Variants in SLC14A2 observed in about 807,000 individuals in gnomAD.
SLC14A2 encodes urea transporter 2.
A neutral mutation model predicts 104.6 loss-of-function variants in SLC14A2; 91 were observed. The ratio of observed to expected loss-of-function variants is 0.87; its 90% CI spans 0.73 to 1.04. SLC14A2 has a LOEUF of 1.04. SLC14A2 is among the 50% of genes least tolerant of loss of function. The probability of loss-of-function intolerance (pLI) is 0.00; values close to 1 mark genes in which losing one functional copy is unlikely to be tolerated. For synonymous variants in SLC14A2, 476 were observed against 466.4 expected (o/e 1.02, Z -0.27); for missense variants, 1,189 against 1,156.0 (o/e 1.03, Z -0.41).
chr18:45,542,415 GA>G (rs1390610079), intron 2 of SLC14A2: 1 of 152,076 alleles, frequency 6.6e-6, no homozygotes, highest in Non-Finnish European at 1.5e-5. Context: ...AAAAAATGGA[GA>G]AATGAAGAAG....
At chr18:45,364,759 CA>C (rs1487044691) in intron 1 of SLC14A2, among the ~76,000 whole-genome samples, 1 of 152,134 alleles carries the variant, frequency 6.6e-6, no homozygotes, top group Non-Finnish European at 1.5e-5. Context: ...ATGTTTTACT[CA>C]TTTTTATTAT....
intron 1 of SLC14A2, among the ~76,000 whole-genome samples, chr18:45,467,687 A>G (rs1045975800): frequency 1.3e-5 from 2 of 152,262 alleles, no homozygotes; most frequent in African/African-American, 4.8e-5. Context: ...ATGGACAGTT[A>G]TGCTAAAGGG....
chr18:45,231,017 C>G (rs10460070), intron 1 of SLC14A2, among the ~76,000 whole-genome samples: 22,623 of 151,980 alleles, frequency 0.15, 2,232 homozygotes, highest in African/African-American at 0.29. Flanking sequence ...GCGCCAAAGG[C>G]TAGGGTGTTT....
At chr18:45,572,269 C>T (rs2044358666) in intron 2 of SLC14A2, among the ~76,000 whole-genome samples, 1 of 152,166 alleles carries the variant, frequency 6.6e-6, no homozygotes, top group Non-Finnish European at 1.5e-5. Flanking sequence ...CGTCTTCTTT[C>T]CTAAAAGCAT....
intron 1 of SLC14A2, among the ~76,000 whole-genome samples, chr18:45,411,930 C>T (rs2086219612): frequency 6.6e-6 from 1 of 152,072 alleles, no homozygotes; most frequent in South Asian, 2.1e-4. Context: ...GGAAGCTTTC[C>T]CTGGAGACAC....
chr18:45,603,770 T>C (rs932509188), intron 2 of SLC14A2, among the ~76,000 whole-genome samples: 1 of 152,144 alleles, frequency 6.6e-6, no homozygotes. Flanking sequence ...ATGTGCTAAT[T>C]CTTACCAGGG....
At chr18:45,600,910 G>A (rs949056355) in intron 2 of SLC14A2, among the ~76,000 whole-genome samples, 1 of 152,222 alleles carries the variant, frequency 6.6e-6, no homozygotes, top group African/African-American at 2.4e-5. Context: ...CTTGTTGCAG[G>A]TCCATGAAGC....
At chr18:45,365,530 C>T (rs6507611) in intron 1 of SLC14A2, among the ~76,000 whole-genome samples, 4,612 of 152,314 alleles carry the variant, frequency 0.03, 237 homozygotes, top group African/African-American at 0.1. Flanking sequence ...AAAGAAAATT[C>T]ATAACCCATT....
chr18:45,264,088 G>A (rs2084567279), intron 1 of SLC14A2, among the ~76,000 whole-genome samples: 1 of 152,044 alleles, frequency 6.6e-6, no homozygotes, highest in African/African-American at 2.4e-5. Flanking sequence ...TAGAATCAAA[G>A]GTGTCATTAT....
intron 1 of SLC14A2, among the ~76,000 whole-genome samples, chr18:45,286,784 G>T (rs923528821): frequency 6.6e-6 from 1 of 152,022 alleles, no homozygotes; most frequent in Non-Finnish European, 1.5e-5. Flanking sequence ...ACCCCTAAAT[G>T]CTCATAGATG....
At chr18:45,516,348 G>T (rs1195970063) in intron 2 of SLC14A2, among the ~76,000 whole-genome samples, 1 of 152,164 alleles carries the variant, frequency 6.6e-6, no homozygotes, top group East Asian at 1.9e-4. Flanking sequence ...TGAAGACCTT[G>T]GTCCCCCTCC....
chr18:45,243,827 T>C lies in SLC14A2; in HGVS notation c.-125+30636T>C, dbSNP rs1000079771. Among the ~76,000 whole-genome samples the C allele has an allele frequency of 9.9e-5, 15 of 152,268 alleles. No individual in the cohort carries two copies. In the East Asian group the frequency reaches 1.7e-3, roughly 18 times the overall value. On this transcript the variant is annotated intron_variant, in intron 1 of 20. Transcript: ENST00000586448. ...ATATACGTTCATTAATTGTCAGAAT[T>C]CCCCTGTTCTGTTACTGTGCTCACC... is the stretch of plus-strand genomic sequence containing the variant.
At chr18:45,669,998 C>T (rs2046102397) in intron 16 of SLC14A2, among the ~76,000 whole-genome samples, 1 of 152,198 alleles carries the variant, frequency 6.6e-6, no homozygotes. Context: ...CCTGGTGGCA[C>T]ATGCCTATAG....
rs1393268381 is a variant in SLC14A2, at chr18:45,452,264, T to C, written c.-124-30969T>C. ...TAAACAGGACAGTGCCTATAAAATA[T>C]GAAACCCAGCACTTGGGGTACTAAC... On this transcript the variant is annotated intron_variant, in intron 1 of 20. Transcript: ENST00000586448. Among the ~76,000 whole-genome samples the C allele has an allele frequency of 5.9e-5, 9 of 152,188 alleles. No individual in the cohort carries two copies. In the South Asian group the frequency reaches 1.9e-3, roughly 31 times the overall value.
At chr18:45,420,547 GTT>G (rs1343749016) in intron 1 of SLC14A2, among the ~76,000 whole-genome samples, 2 of 152,064 alleles carry the variant, frequency 1.3e-5, no homozygotes, top group Non-Finnish European at 2.9e-5. Context: ...ATACTACCCT[GTT>G]TCTGCCCCCA....
rs374487904 is a variant in SLC14A2, at chr18:45,402,968, A to T, written c.-124-80265A>T. ...AATACCATCTTATTATTAGTAAGGC[A>T]CTTCAGTATCACCTAACAGGATGTA... is the stretch of plus-strand genomic sequence containing the variant. On this transcript the variant is annotated intron_variant, in intron 1 of 20. Coordinates refer to the SLC14A2 transcript ENST00000586448. Among the ~76,000 whole-genome samples, 4 of 152,226 alleles carry T rather than the reference A, an allele frequency of 2.6e-5. No homozygotes were observed. The East Asian group carries it at 7.7e-4, about 29-fold the overall frequency.
At chr18:45,417,840 C>A (rs1371957953) in intron 1 of SLC14A2, among the ~76,000 whole-genome samples, 1 of 152,126 alleles carries the variant, frequency 6.6e-6, no homozygotes, top group African/African-American at 2.4e-5. Context: ...TTAAAGAATG[C>A]ATTCAAGGAG....
At chr18:45,215,892 G>A (rs2084006404) in intron 1 of SLC14A2, among the ~76,000 whole-genome samples, 1 of 152,088 alleles carries the variant, frequency 6.6e-6, no homozygotes, top group Admixed American at 6.5e-5. Flanking sequence ...TTGGTGGAAT[G>A]AGAGGCAGGG....
At position 45,666,964 on chromosome 18, in the gene SLC14A2, G is replaced by C; in HGVS notation, c.1587G>C (p.Glu529Asp). ...TGGACACCATGGAGGAGAGCTCTGA[G>C]ATAAAAGTGGAAACAAACATTTCCA... ...LDLDTMEESS[E>D]IKVETNISKT... is the part of the protein sequence containing the mutation. Residue 529 changes from glutamate to aspartate, a missense_variant, in exon 13 of 20, where the codon GAG (glutamate) becomes GAC (aspartate). Glu to Asp is a conservative substitution (Grantham distance 45). Coordinates refer to ENST00000255226, the MANE Select transcript of SLC14A2 (RefSeq NM_007163.4). 6.2e-7 allele frequency: 1 copy of C among 1,614,142 alleles called. No homozygotes were observed. The highest frequency in any genetic ancestry group is 2.2e-5 in the East Asian group (1 of 44,884).
Sources: allele counts gnomAD v4.1 joint callset (sites outside exome capture counted in the v4.1 genomes callset), GRCh38; gene constraint gnomAD v4.1.1; transcripts MANE v1.5; gene names NCBI Gene and HGNC (gene_info 2026-07-23, HGNC 2026-07-21).